NCKAP5: variants seen among roughly 807,000 people sequenced by gnomAD.
The protein encoded by NCKAP5 is nck-associated protein 5.
In NCKAP5, 92 loss-of-function variants were observed where a neutral mutation model predicts 167.0. That is an observed-to-expected ratio of 0.55 (90% confidence interval 0.47 to 0.66). NCKAP5 has a LOEUF of 0.66. Ranked by LOEUF, NCKAP5 falls within the 30% of genes least tolerant of loss-of-function variation. The pLI is 0.00. For synonymous variants in NCKAP5, 891 were observed against 877.4 expected (o/e 1.02, Z -0.27); for missense variants, 2,378 against 2,315.0 (o/e 1.03, Z -0.56).
intron 11 of NCKAP5, among the ~76,000 whole-genome samples, chr2:132,828,102 G>A (rs1391409630): frequency 1.3e-5 from 2 of 152,170 alleles, no homozygotes; most frequent in Admixed American, 6.5e-5. Flanking sequence ...CTTCAGGTAA[G>A]GTACTGCAGT....
chr2:132,962,719 T>C (rs1183843752), intron 8 of NCKAP5, among the ~76,000 whole-genome samples: 1 of 152,154 alleles, frequency 6.6e-6, no homozygotes, highest in East Asian at 1.9e-4. Context: ...GCCTCCTGAG[T>C]AACTGGGACT....
intron 12 of NCKAP5, 93 bp from the exon 13 acceptor site, chr2:132,790,298 G>T: frequency 1.8e-6 from 2 of 1,129,892 alleles, no homozygotes; most frequent in African/African-American, 3.1e-5. Flanking sequence ...GAATACAGAT[G>T]CTCCTCAACT....
At chr2:133,187,175 TA>T (rs1470352336) in intron 5 of NCKAP5, among the ~76,000 whole-genome samples, 1 of 152,054 alleles carries the variant, frequency 6.6e-6, no homozygotes. Context: ...TAATTTTAAA[TA>T]AAGTTTTTTG....
At chr2:133,588,311 C>T in the NCKAP5 span, among the ~76,000 whole-genome samples, 1 of 130,770 alleles carries the variant, frequency 7.6e-6, no homozygotes, top group Admixed American at 7.6e-5. Flanking sequence ...CTCTCCCTCC[C>T]TCCCCCTTCC....
chr2:133,386,948 A>G (rs56906642), intron 3 of NCKAP5, among the ~76,000 whole-genome samples: 45,506 of 151,940 alleles, frequency 0.3, 7,483 homozygotes, highest in African/African-American at 0.44. Flanking sequence ...GTCTCTGCAC[A>G]TGAGATGGGT....
chr2:133,591,762 G>A, the NCKAP5 span, among the ~76,000 whole-genome samples: 1 of 152,166 alleles, frequency 6.6e-6, no homozygotes, highest in African/African-American at 2.4e-5. Flanking sequence ...TTGAAGCTCA[G>A]AAAATTTTCT....
intron 6 of NCKAP5, among the ~76,000 whole-genome samples, chr2:133,041,941 T>C (rs1307471255): frequency 6.6e-6 from 1 of 152,204 alleles, no homozygotes; most frequent in Non-Finnish European, 1.5e-5. Flanking sequence ...ATGCCTAGTA[T>C]AATTTAAATT....
intron 6 of NCKAP5, chr2:133,123,670 T>C: frequency 2.3e-6 from 1 of 431,420 alleles, no homozygotes; most frequent in South Asian, 1.7e-5. Context: ...AGAGCCAGCC[T>C]CTGAGACAGG....
chr2:133,356,050 C>T (rs746520648), intron 3 of NCKAP5, among the ~76,000 whole-genome samples: 19 of 152,024 alleles, frequency 1.2e-4, no homozygotes, highest in African/African-American at 2.7e-4. Flanking sequence ...CTTCAGCCTC[C>T]GGAGTAGCTG....
At chr2:133,547,012 T>A (rs1173994357) in intron 2 of NCKAP5, among the ~76,000 whole-genome samples, 1 of 152,048 alleles carries the variant, frequency 6.6e-6, no homozygotes, top group Non-Finnish European at 1.5e-5. Context: ...CGCAGGCCAG[T>A]GGGTGCGCGC....
chr2:133,433,333 C>T (rs757528146), intron 3 of NCKAP5, among the ~76,000 whole-genome samples: 6 of 152,170 alleles, frequency 3.9e-5, no homozygotes, highest in Non-Finnish European at 8.8e-5. Context: ...TTTGACACTA[C>T]AACTTCTCTG....
At position 133,303,113 on chromosome 2, in the gene NCKAP5, G is replaced by T; in HGVS notation, c.70-3C>A. The T allele has an allele frequency of 6.3e-7, 1 of 1,577,958 alleles. No individual in the cohort carries two copies. The highest frequency in any genetic ancestry group is 8.6e-7 in the Non-Finnish European group (1 of 1,160,208). On this transcript the variant is annotated splice_polypyrimidine_tract_variant and splice_region_variant and intron_variant, in intron 3 of 19. Coordinates refer to ENST00000409261, the MANE Select transcript of NCKAP5 (RefSeq NM_207363.3). ...TATTTATTGGAGTCCATGTATTCCTGCACAAGCAGACAAAGACAGATGAAA... is the reference window on the plus strand; with the variant it reads ...TATTTATTGGAGTCCATGTATTCCTTCACAAGCAGACAAAGACAGATGAAA...
intron 3 of NCKAP5, among the ~76,000 whole-genome samples, chr2:133,369,069 G>A (rs1008591355): frequency 1.3e-5 from 2 of 151,500 alleles, no homozygotes; most frequent in African/African-American, 4.8e-5. Context: ...GACAGGTGGA[G>A]TAGGCACAGT....
chr2:133,243,776 C>T (rs1210571643), intron 4 of NCKAP5, among the ~76,000 whole-genome samples: 1 of 152,140 alleles, frequency 6.6e-6, no homozygotes, highest in Non-Finnish European at 1.5e-5. Context: ...GTTAAACCTG[C>T]TTGATGTGCT....
intron 5 of NCKAP5, among the ~76,000 whole-genome samples, chr2:133,133,573 GA>G (rs1269347176): frequency 1.3e-5 from 2 of 152,162 alleles, no homozygotes; most frequent in Non-Finnish European, 2.9e-5. Context: ...TTACAGAGGT[GA>G]GCTTTGTTAT....
intron 19 of NCKAP5, among the ~76,000 whole-genome samples, chr2:132,711,987 G>T (rs1447278074): frequency 2.0e-5 from 3 of 152,212 alleles, no homozygotes; most frequent in Non-Finnish European, 2.9e-5. Context: ...AGCGAAGGCT[G>T]CAGGACAGAC....
intron 19 of NCKAP5, among the ~76,000 whole-genome samples, chr2:132,716,544 TAA>T (rs1204781899): frequency 6.6e-6 from 1 of 151,908 alleles, no homozygotes; most frequent in Non-Finnish European, 1.5e-5. Flanking sequence ...AGCTCCTTTT[TAA>T]AAGTGTTGGG....
chr2:133,114,952 C>A (rs1161441858), intron 6 of NCKAP5, among the ~76,000 whole-genome samples: 1 of 152,108 alleles, frequency 6.6e-6, no homozygotes, highest in East Asian at 1.9e-4. Context: ...TTAAAAATTG[C>A]AAAATAGCTT....
intron 3 of NCKAP5, among the ~76,000 whole-genome samples, chr2:133,422,365 G>C (rs368572152): frequency 2.0e-5 from 3 of 152,130 alleles, no homozygotes; most frequent in Admixed American, 1.3e-4. Flanking sequence ...TGTTGTTGTT[G>C]TTTTTTTGTT....
Sources: allele counts gnomAD v4.1 joint callset (sites outside exome capture counted in the v4.1 genomes callset), GRCh38; gene constraint gnomAD v4.1.1; transcripts MANE v1.5; gene names NCBI Gene and HGNC (gene_info 2026-07-23, HGNC 2026-07-21).